Variants in IRF2 observed in about 807,000 individuals in gnomAD.
The protein encoded by IRF2 is interferon regulatory factor 2.
Under a neutral mutation model 40.6 loss-of-function variants are expected in IRF2, and 15 were observed. That is an observed-to-expected ratio of 0.37 (90% CI 0.25 to 0.57). The LOEUF is 0.57. IRF2 is among the 20% of genes least tolerant of loss of function. The pLI is 0.77. For missense variants in IRF2, 317 were observed against 455.7 expected, an observed-to-expected ratio of 0.70 and a Z score of 2.77; for synonymous variants, 151 against 165.5, an observed-to-expected ratio of 0.91 and a Z score of 0.67.
chr4:184,410,215 T>G (rs998454228), intron 5 of IRF2, among the ~76,000 whole-genome samples: 1 of 152,194 alleles, frequency 6.6e-6, no homozygotes, highest in Non-Finnish European at 1.5e-5. Flanking sequence ...TTAACCTCTG[T>G]AAGCCACCCT....
intron 6 of IRF2, among the ~76,000 whole-genome samples, chr4:184,407,819 C>T (rs17488073): frequency 2.0e-5 from 3 of 152,178 alleles, no homozygotes; most frequent in African/African-American, 7.2e-5. Flanking sequence ...ACCATCTTCC[C>T]TCTCCTTGGT....
At chr4:184,410,970 C>CTT (rs1391329272) in intron 5 of IRF2, among the ~76,000 whole-genome samples, 1 of 152,088 alleles carries the variant, frequency 6.6e-6, no homozygotes, top group Non-Finnish European at 1.5e-5. Flanking sequence ...ATTCCAGGAG[C>CTT]TTTCTGTCTT....
intron 1 of IRF2, among the ~76,000 whole-genome samples, chr4:184,460,275 T>G (rs1023286968): frequency 6.6e-6 from 1 of 151,894 alleles, no homozygotes; most frequent in Non-Finnish European, 1.5e-5. Flanking sequence ...ACATCTCGAG[T>G]GGTCAGATTC....
At chr4:184,436,107 G>C (rs1158065508) in intron 1 of IRF2, among the ~76,000 whole-genome samples, 1 of 152,056 alleles carries the variant, frequency 6.6e-6, no homozygotes, top group East Asian at 1.9e-4. Flanking sequence ...CTCCGGAGTA[G>C]CTGGGACTAC....
chr4:184,436,017 G>A (rs1181204908), intron 1 of IRF2, among the ~76,000 whole-genome samples: 5 of 145,496 alleles, frequency 3.4e-5, no homozygotes, highest in East Asian at 2.0e-4. Flanking sequence ...TCGCTCTGTC[G>A]TTGGGCTGGA....
At chr4:184,432,504 C>T (rs762018723) in intron 1 of IRF2, among the ~76,000 whole-genome samples, 1 of 152,326 alleles carries the variant, frequency 6.6e-6, no homozygotes, top group East Asian at 1.9e-4. Flanking sequence ...AGGGAAAATA[C>T]GTATATTAGA....
At chr4:184,429,706 A>G (rs1355956443) in intron 1 of IRF2, among the ~76,000 whole-genome samples, 1 of 151,968 alleles carries the variant, frequency 6.6e-6, no homozygotes, top group African/African-American at 2.4e-5. Context: ...CTCTCACCCA[A>G]GTGTCTTTCT....
At chr4:184,403,143 A>G (rs990764624) in intron 6 of IRF2, among the ~76,000 whole-genome samples, 1 of 152,194 alleles carries the variant, frequency 6.6e-6, no homozygotes, top group Non-Finnish European at 1.5e-5. Flanking sequence ...CTCTCCATCC[A>G]GACATCGTGG....
intron 1 of IRF2, among the ~76,000 whole-genome samples, chr4:184,453,449 A>G (rs938599888): frequency 6.6e-6 from 1 of 152,238 alleles, no homozygotes; most frequent in Non-Finnish European, 1.5e-5. Context: ...CATATGGAAA[A>G]CGGGAAAAGA....
intron 5 of IRF2, among the ~76,000 whole-genome samples, chr4:184,417,087 CA>C (rs1037002044): frequency 3.3e-5 from 5 of 151,952 alleles, no homozygotes; most frequent in Admixed American, 6.6e-5. Context: ...TTCTGTAAGT[CA>C]AAAATGGTTG....
intron 5 of IRF2, among the ~76,000 whole-genome samples, chr4:184,417,289 A>C (rs984876229): frequency 6.6e-6 from 1 of 152,204 alleles, no homozygotes; most frequent in Non-Finnish European, 1.5e-5. Flanking sequence ...TAGGCCTTTA[A>C]TACAGTACAA....
At chr4:184,440,224 A>G (rs1296331244) in intron 1 of IRF2, among the ~76,000 whole-genome samples, 1 of 152,092 alleles carries the variant, frequency 6.6e-6, no homozygotes, top group Admixed American at 6.5e-5. Context: ...GACCATCCCC[A>G]TTACCCACGG....
At chr4:184,410,946 C>T (rs570212994) in intron 5 of IRF2, among the ~76,000 whole-genome samples, 39 of 152,266 alleles carry the variant, frequency 2.6e-4, no homozygotes, top group South Asian at 2.1e-3. Context: ...TCTTTGGTCA[C>T]GAAATATGGT....
chr4:184,457,039 G>C (rs150827728), intron 1 of IRF2, among the ~76,000 whole-genome samples: 43 of 152,368 alleles, frequency 2.8e-4, no homozygotes, highest in Non-Finnish European at 5.9e-4. Flanking sequence ...ACACTCTGTA[G>C]CTGCGTCGGA....
At position 184,388,875 on chromosome 4, in the gene IRF2, G is replaced by T; in HGVS notation, c.933C>A (p.Leu311=). ...CTGGGGTCATGGAGGAAGAAAGGGG[G>T]AGGTCTTGAAAAGGGGGCCAGGAGC... The part of the protein sequence containing the change: ...YNSSWPPFQD[L]PLSSSMTPAS... The change falls in exon 9 of 9, where the codon CTC becomes CTA. Residue 311 remains leucine (L), a synonymous_variant. Transcript: ENST00000393593. The surrounding 1 kb of genome is among the most constrained non-coding windows in gnomAD (Gnocchi z 4.6). The T allele has an allele frequency of 6.2e-7, 1 of 1,614,062 alleles. No homozygotes were observed. Among genetic ancestry groups the T allele is most frequent in the East Asian group, 2.2e-5 (1 of 44,866 alleles).
chr4:184,433,287 C>T (rs1247940969), intron 1 of IRF2, among the ~76,000 whole-genome samples: 1 of 152,194 alleles, frequency 6.6e-6, no homozygotes, highest in Non-Finnish European at 1.5e-5. Flanking sequence ...TGACAAGCCC[C>T]TAGGTCCTTG....
At chr4:184,415,678 G>T (rs1737241799) in intron 5 of IRF2, among the ~76,000 whole-genome samples, 1 of 152,172 alleles carries the variant, frequency 6.6e-6, no homozygotes, top group Non-Finnish European at 1.5e-5. Context: ...AATACAGTGG[G>T]TACATGTGAG....
intron 4 of IRF2, 61 bp downstream of exon 4, chr4:184,418,471 G>A (rs1737359735): frequency 9.6e-6 from 14 of 1,460,230 alleles, no homozygotes; most frequent in Non-Finnish European, 1.2e-5. Flanking sequence ...GAAATGAAGA[G>A]ATCACGAAGG....
At chr4:184,463,453 T>G (rs902376829) in intron 1 of IRF2, among the ~76,000 whole-genome samples, 8 of 152,198 alleles carry the variant, frequency 5.3e-5, no homozygotes, top group Non-Finnish European at 1.2e-4. Context: ...ATACTCAGTA[T>G]GAAAAATGGA....
Sources: gnomAD v4.1 joint callset for allele counts (sites outside exome capture counted in the v4.1 genomes callset) on GRCh38, gnomAD v4.1.1 for gene constraint, Gnocchi (gnomAD v3.1) non-coding constraint, MANE v1.5 for transcripts, NCBI Gene and HGNC (gene_info 2026-07-23, HGNC 2026-07-21) for gene names.